Variants in SLC24A3 observed in about 807,000 individuals in gnomAD.
SLC24A3 encodes the protein sodium/potassium/calcium exchanger 3.
In SLC24A3, 28 loss-of-function variants were observed where a neutral mutation model predicts 75.8. The ratio of observed to expected loss-of-function variants is 0.37; its 90% CI spans 0.27 to 0.51. SLC24A3 has a LOEUF of 0.51. Among genes scored for constraint, SLC24A3 ranks in the 20% least tolerant of loss-of-function variants. The pLI is 0.94. For missense variants in SLC24A3, 663 were observed against 847.8 expected, an observed-to-expected ratio of 0.78 and a Z score of 2.71; for synonymous variants, 372 against 334.1, an observed-to-expected ratio of 1.11 and a Z score of -1.24.
At chr20:19,333,613 A>G (rs1287346146) in intron 2 of SLC24A3, among the ~76,000 whole-genome samples, 2 of 150,496 alleles carry the variant, frequency 1.3e-5, no homozygotes, top group Non-Finnish European at 3.0e-5. Flanking sequence ...TGGTGAGTCC[A>G]GTCTTGCTAG....
intron 1 of SLC24A3, 34 bp downstream of exon 1, chr20:19,213,018 G>T (rs1283000690): frequency 1.6e-6 from 2 of 1,212,694 alleles, no homozygotes; most frequent in African/African-American, 3.1e-5. Flanking sequence ...AGTGGGCGCT[G>T]CGGCTCCGGC....
chr20:19,578,130 G>A (rs1334656490), intron 3 of SLC24A3, among the ~76,000 whole-genome samples: 3 of 152,212 alleles, frequency 2.0e-5, no homozygotes, highest in East Asian at 3.9e-4. Flanking sequence ...GAGGCTTCAT[G>A]AAGGACAGTT....
At chr20:19,642,206 C>T (rs544020816) in intron 6 of SLC24A3, among the ~76,000 whole-genome samples, 1 of 152,312 alleles carries the variant, frequency 6.6e-6, no homozygotes, top group African/African-American at 2.4e-5. Context: ...TCCTGACAGC[C>T]CCATATCATT....
chr20:19,283,669 C>T (rs1043510769), intron 2 of SLC24A3, among the ~76,000 whole-genome samples: 1 of 152,190 alleles, frequency 6.6e-6, no homozygotes, highest in African/African-American at 2.4e-5. Context: ...TCACACTGAC[C>T]TGAAGCTGTG....
chr20:19,213,117 T>C, intron 1 of SLC24A3, 133 bp downstream of exon 1: 1 of 1,021,300 alleles, frequency 9.8e-7, no homozygotes, highest in Non-Finnish European at 1.2e-6. Context: ...GCGGGGGGAG[T>C]GGGATGCCAG....
At position 19,689,828 on chromosome 20, in the gene SLC24A3, G is replaced by A. The variant is rs60388231; in HGVS notation, c.1325-3431G>A. Among the ~76,000 whole-genome samples, 203 of 152,060 alleles carry A rather than the reference G, an allele frequency of 1.3e-3. 5 individuals carry two copies. The East Asian group carries it at 0.035, about 26-fold the overall frequency. On this transcript the variant is annotated intron_variant, in intron 12 of 16. Transcript: ENST00000328041. ...TGCGGATCACCTGAGTTCAGGAGTT[G>A]GAGACCAGCCTGGCCAACATGGCAA...
intron 2 of SLC24A3, among the ~76,000 whole-genome samples, chr20:19,456,905 C>T (rs1310174987): frequency 6.6e-6 from 1 of 152,198 alleles, no homozygotes; most frequent in Non-Finnish European, 1.5e-5. Flanking sequence ...AGTGTGTTCA[C>T]AGAGATAAAA....
At chr20:19,241,138 C>T (rs964931259) in intron 1 of SLC24A3, among the ~76,000 whole-genome samples, 40 of 152,196 alleles carry the variant, frequency 2.6e-4, no homozygotes, top group African/African-American at 9.7e-4. Flanking sequence ...GCAAACCAAC[C>T]ATGTCCAAAA....
intron 3 of SLC24A3, among the ~76,000 whole-genome samples, chr20:19,547,546 TA>T (rs2030620481): frequency 6.6e-6 from 1 of 152,216 alleles, no homozygotes; most frequent in South Asian, 2.1e-4. Flanking sequence ...TATACCTCAA[TA>T]AAGCTGTTCA....
chr20:19,509,253 AT>A (rs1171607294), intron 2 of SLC24A3, among the ~76,000 whole-genome samples: 1 of 152,196 alleles, frequency 6.6e-6, no homozygotes, highest in African/African-American at 2.4e-5. Flanking sequence ...CTTATTCAAA[AT>A]CTAACTGATC....
At chr20:19,382,877 C>T (rs944748795) in intron 2 of SLC24A3, among the ~76,000 whole-genome samples, 1 of 152,122 alleles carries the variant, frequency 6.6e-6, no homozygotes, top group African/African-American at 2.4e-5. Flanking sequence ...AGTCTGGCCG[C>T]CCCATGTCTC....
intron 2 of SLC24A3, among the ~76,000 whole-genome samples, chr20:19,503,477 C>T (rs1988416711): frequency 6.6e-6 from 1 of 152,146 alleles, no homozygotes; most frequent in Non-Finnish European, 1.5e-5. Context: ...TAATCAAGTT[C>T]TAATCTACCC....
At chr20:19,387,837 G>T (rs1600459395) in intron 2 of SLC24A3, among the ~76,000 whole-genome samples, 1 of 152,092 alleles carries the variant, frequency 6.6e-6, no homozygotes, top group East Asian at 1.9e-4. Context: ...AGGGCCATTT[G>T]GTTTATAGTA....
At chr20:19,361,126 C>T (rs1985779247) in intron 2 of SLC24A3, among the ~76,000 whole-genome samples, 1 of 152,220 alleles carries the variant, frequency 6.6e-6, no homozygotes, top group Non-Finnish European at 1.5e-5. Flanking sequence ...TGCACCCGGC[C>T]AGAAATTTTA....
chr20:19,539,815 A>C (rs1457437818), intron 3 of SLC24A3, among the ~76,000 whole-genome samples: 3 of 152,180 alleles, frequency 2.0e-5, no homozygotes, highest in African/African-American at 7.2e-5. Context: ...AGCCATATAA[A>C]AATGTGATTG....
intron 4 of SLC24A3, among the ~76,000 whole-genome samples, chr20:19,582,290 A>G (rs968242675): frequency 4.6e-5 from 7 of 152,178 alleles, no homozygotes; most frequent in Non-Finnish European, 7.3e-5. Context: ...TAATGATTCG[A>G]TACTCTGTGT....
chr20:19,286,902 A>C (rs1983831372), intron 2 of SLC24A3, among the ~76,000 whole-genome samples: 1 of 152,230 alleles, frequency 6.6e-6, no homozygotes, highest in Non-Finnish European at 1.5e-5. Flanking sequence ...AAGACTTAAG[A>C]TTCATCTGTA....
At chr20:19,586,256 A>G (rs2031294335) in intron 6 of SLC24A3, among the ~76,000 whole-genome samples, 1 of 152,184 alleles carries the variant, frequency 6.6e-6, no homozygotes, top group African/African-American at 2.4e-5. Context: ...AGGGTTTGCA[A>G]CTGTTTTGCC....
At chr20:19,680,942 G>A (rs2032607226) in intron 9 of SLC24A3, among the ~76,000 whole-genome samples, 1 of 152,214 alleles carries the variant, frequency 6.6e-6, no homozygotes, top group African/African-American at 2.4e-5. Context: ...GAGGCCGGAG[G>A]TCAAACTGGA....
Sources: allele counts gnomAD v4.1 joint callset (sites outside exome capture counted in the v4.1 genomes callset), GRCh38; gene constraint gnomAD v4.1.1; transcripts MANE v1.5; gene names NCBI Gene and HGNC (gene_info 2026-07-23, HGNC 2026-07-21).